The following ITPR1 variants were observed in gnomAD, a reference collection of about 807,000 sequenced individuals.
ITPR1 encodes the protein inositol 1,4,5-trisphosphate-gated calcium channel ITPR1.
In ITPR1, 96 loss-of-function variants were observed where a neutral mutation model predicts 318.4. The observed-to-expected ratio is 0.30, with a 90% CI of 0.26 to 0.36. The LOEUF (loss-of-function observed/expected upper bound fraction) is 0.36, where lower values mean the gene tolerates loss of function less well. ITPR1 is among the 10% of genes least tolerant of loss of function. The pLI is 1.00. For missense variants in ITPR1, 2,440 were observed against 3,460.2 expected, an observed-to-expected ratio of 0.71 and a Z score of 7.40; for synonymous variants, 1,312 against 1,289.9, an observed-to-expected ratio of 1.02 and a Z score of -0.37.
At chr3:4,538,856 A>G (rs559775346) in intron 4 of ITPR1, among the ~76,000 whole-genome samples, 5 of 152,274 alleles carry the variant, frequency 3.3e-5, no homozygotes, top group African/African-American at 9.6e-5. Context: ...GAGGGGAGCA[A>G]CACACACTGG....
chr3:4,705,465 G>A (rs573651188), intron 36 of ITPR1, among the ~76,000 whole-genome samples: 1 of 152,240 alleles, frequency 6.6e-6, no homozygotes, highest in Admixed American at 6.5e-5. Context: ...CCCTTTTTCT[G>A]TTCCAGGATT....
intron 42 of ITPR1, among the ~76,000 whole-genome samples, chr3:4,732,789 A>G (rs1327549471): frequency 6.6e-6 from 1 of 152,164 alleles, no homozygotes; most frequent in Admixed American, 6.5e-5. Context: ...ACTTACCCCA[A>G]AGAGATTTTT....
At chr3:4,516,340 C>G in intron 2 of ITPR1, 136 bp from the exon 3 acceptor site, 1 of 530,382 alleles carries the variant, frequency 1.9e-6, no homozygotes, top group Non-Finnish European at 3.3e-6. Flanking sequence ...AATCGCCTGC[C>G]TGTCAAACTG....
At chr3:4,740,284 G>T (rs2043607112) in intron 44 of ITPR1, among the ~76,000 whole-genome samples, 1 of 152,206 alleles carries the variant, frequency 6.6e-6, no homozygotes, top group Non-Finnish European at 1.5e-5. Context: ...CATTGTCTCT[G>T]CAGTTGAGGA....
chr3:4,614,728 T>C (rs1317084448), intron 4 of ITPR1, among the ~76,000 whole-genome samples: 4 of 152,178 alleles, frequency 2.6e-5, no homozygotes, highest in African/African-American at 9.7e-5. Flanking sequence ...TGATCTCTTT[T>C]CTGGAGGAAG....
chr3:4,748,484 T>A (rs1394546566), intron 44 of ITPR1, among the ~76,000 whole-genome samples: 2 of 152,164 alleles, frequency 1.3e-5, no homozygotes, highest in African/African-American at 4.8e-5. Flanking sequence ...TTCCTTAATT[T>A]CTGCTGGTGT....
intron 6 of ITPR1, among the ~76,000 whole-genome samples, chr3:4,641,612 G>A (rs2093340665): frequency 6.6e-6 from 1 of 152,212 alleles, no homozygotes; most frequent in Non-Finnish European, 1.5e-5. Flanking sequence ...CTGGGCTCAA[G>A]CAGTCCTTCT....
At chr3:4,691,498 G>A (rs1449880176) in intron 32 of ITPR1, among the ~76,000 whole-genome samples, 154 bp downstream of exon 32, 1 of 152,170 alleles carries the variant, frequency 6.6e-6, no homozygotes, top group East Asian at 1.9e-4. Flanking sequence ...CATCTCTTGT[G>A]TGAGCTTAAG....
intron 43 of ITPR1, among the ~76,000 whole-genome samples, chr3:4,733,799 A>G (rs1441395230): frequency 6.7e-6 from 1 of 149,996 alleles, no homozygotes; most frequent in East Asian, 1.9e-4. Flanking sequence ...ACAAACTCCT[A>G]TGGGAGTTTA....
At chr3:4,567,562 G>A (rs13087672) in intron 4 of ITPR1, among the ~76,000 whole-genome samples, 2 of 151,796 alleles carry the variant, frequency 1.3e-5, no homozygotes, top group South Asian at 2.1e-4. Flanking sequence ...GGGCTGAGGT[G>A]GGTCATGGAG....
At chr3:4,755,169 ATTTTTTT>A in intron 44 of ITPR1, among the ~76,000 whole-genome samples, 1 of 131,352 alleles carries the variant, frequency 7.6e-6, no homozygotes, top group African/African-American at 3.0e-5. Flanking sequence ...AATACCTTTA[ATTTTTTT>A]TTTTTTTTTT....
intron 33 of ITPR1, among the ~76,000 whole-genome samples, chr3:4,696,634 G>A (rs150298103): frequency 2.7e-5 from 4 of 146,020 alleles, no homozygotes; most frequent in Non-Finnish European, 6.0e-5. Context: ...TAATTTCTAC[G>A]TCCTTGCTTC....
intron 24 of ITPR1, 47 bp downstream of exon 24, chr3:4,676,848 G>T: frequency 2.8e-6 from 4 of 1,447,190 alleles, no homozygotes; most frequent in Non-Finnish European, 3.8e-6. Flanking sequence ...TCACAGAGGC[G>T]CCATTCAGAT....
Position 4,655,690 on chromosome 3 carries a change from G to C in ITPR1, c.996+1804G>C, listed in dbSNP as rs180774695. 7.2e-3 allele frequency among the ~76,000 whole-genome samples: 1,094 copies of C among 152,310 alleles called. 11 individuals carry two copies. Among genetic ancestry groups the C allele is most frequent in the Non-Finnish European group, 0.011 (769 of 68,030 alleles). ...ATCCCCCATCTCAGGCTCCCTCAGA[G>C]TTCAGTGGTCTTTTGACGTTTTCGT... On this transcript the variant is annotated intron_variant, in intron 12 of 61. Transcript: ENST00000649015.
chr3:4,719,999 T>G (rs909122298), intron 40 of ITPR1, among the ~76,000 whole-genome samples: 4 of 152,206 alleles, frequency 2.6e-5, no homozygotes, highest in Non-Finnish European at 5.9e-5. Context: ...GTTACACATG[T>G]GTACACCTGT....
At chr3:4,741,317 G>T (rs142774343) in intron 44 of ITPR1, among the ~76,000 whole-genome samples, 1,766 of 152,182 alleles carry the variant, frequency 0.012, 12 homozygotes, top group Non-Finnish European at 0.017. Flanking sequence ...CATTTTTTTG[G>T]ACTAATTGCT....
chr3:4,747,405 CT>C (rs2044188148), intron 44 of ITPR1, among the ~76,000 whole-genome samples: 1 of 152,210 alleles, frequency 6.6e-6, no homozygotes, highest in South Asian at 2.1e-4. Context: ...AGTTTGTAAC[CT>C]CTCTACCATG....
intron 4 of ITPR1, among the ~76,000 whole-genome samples, chr3:4,531,661 G>A (rs304060): frequency 0.23 from 34,459 of 152,056 alleles, 4,153 homozygotes; most frequent in African/African-American, 0.3. Flanking sequence ...CTTCCTTCTG[G>A]CAGTCAGAAT....
intron 2 of ITPR1, among the ~76,000 whole-genome samples, chr3:4,499,664 C>G (rs937278728): frequency 6.6e-6 from 1 of 151,866 alleles, no homozygotes; most frequent in Non-Finnish European, 1.5e-5. Flanking sequence ...TTGTTGTTAT[C>G]GAAGAAACTG....
Sources: allele counts gnomAD v4.1 joint callset (sites outside exome capture counted in the v4.1 genomes callset), GRCh38; gene constraint gnomAD v4.1.1; transcripts MANE v1.5; gene names NCBI Gene and HGNC (gene_info 2026-07-23, HGNC 2026-07-21).